APBB2: variants seen among roughly 807,000 people sequenced by gnomAD.
APBB2 encodes Fe65-like 1.
In APBB2, 38 loss-of-function variants were observed where a neutral mutation model predicts 82.5. The ratio of observed to expected loss-of-function variants is 0.46; its 90% CI spans 0.36 to 0.60. The LOEUF (loss-of-function observed/expected upper bound fraction) is 0.60, where lower values mean the gene tolerates loss of function less well. Ranked by LOEUF, APBB2 falls within the 20% of genes least tolerant of loss-of-function variation. APBB2 has a pLI of 0.00. For missense variants in APBB2, 772 were observed against 972.3 expected (o/e 0.79, Z 2.74); for synonymous variants, 341 against 368.2 (o/e 0.93, Z 0.85).
At chr4:40,865,919 C>A (rs1284197075) in intron 12 of APBB2, among the ~76,000 whole-genome samples, 1 of 152,302 alleles carries the variant, frequency 6.6e-6, no homozygotes, top group South Asian at 2.1e-4. Flanking sequence ...TAACCACCAC[C>A]ACCCTCAAAC....
intron 3 of APBB2, among the ~76,000 whole-genome samples, chr4:41,070,687 AGTTT>A (rs1733539645): frequency 1.3e-5 from 2 of 152,188 alleles, no homozygotes; most frequent in Non-Finnish European, 2.9e-5. Flanking sequence ...GGTGAGGAAT[AGTTT>A]TTTTTATTAG....
At chr4:40,946,252 A>C (rs397879059) in intron 6 of APBB2, among the ~76,000 whole-genome samples, 3 of 144,068 alleles carry the variant, frequency 2.1e-5, no homozygotes, top group South Asian at 2.3e-4. Context: ...AAAAAAAAAA[A>C]AACATTCCCA....
intron 10 of APBB2, among the ~76,000 whole-genome samples, chr4:40,910,030 G>A (rs547959021): frequency 1.6e-4 from 24 of 152,022 alleles, no homozygotes; most frequent in South Asian, 1.0e-3. Context: ...GAGGTTCACC[G>A]CAACCTCTGT....
rs34024437 is a variant in APBB2, at chr4:40,832,049, C to CACACACAT, written c.1530-1473_1530-1472insATGTGTGT. On this transcript the variant is annotated intron_variant, in intron 12 of 17. Transcript: ENST00000508593. The surrounding 1 kb of genome is among the most constrained non-coding windows in gnomAD (Gnocchi z 4.8). Reference sequence around the variant, plus strand: ...ACACACACACACACACACACACACACACATATACACCAAGCTTTACCCATC... The same window carrying CACACACAT: ...ACACACACACACACACACACACACACACACACATACATATACACCAAGCTTTACCCATC... 2.0e-3 allele frequency among the ~76,000 whole-genome samples: 297 copies of CACACACAT among 151,626 alleles called. 1 individual carries two copies. Among genetic ancestry groups the CACACACAT allele is most frequent in the African/African-American group, 6.8e-3 (281 of 41,338 alleles).
intron 12 of APBB2, among the ~76,000 whole-genome samples, chr4:40,873,377 T>C (rs886079155): frequency 6.6e-6 from 1 of 152,236 alleles, no homozygotes; most frequent in Non-Finnish European, 1.5e-5. Flanking sequence ...ACTTAGTGAA[T>C]TTAATTAATA....
intron 3 of APBB2, among the ~76,000 whole-genome samples, chr4:41,087,997 T>G (rs41334345): frequency 0.23 from 35,526 of 152,206 alleles, 4,583 homozygotes; most frequent in Non-Finnish European, 0.29. Flanking sequence ...AACCGTCACC[T>G]TCAGATACAG....
chr4:41,134,691 T>C (rs762713964), intron 2 of APBB2, among the ~76,000 whole-genome samples: 1 of 152,130 alleles, frequency 6.6e-6, no homozygotes, highest in African/African-American at 2.4e-5. Flanking sequence ...CAAAGAACTG[T>C]TGTGAGGATC....
intron 1 of APBB2, among the ~76,000 whole-genome samples, chr4:41,202,915 A>C (rs996550918): frequency 1.3e-5 from 2 of 152,234 alleles, no homozygotes; most frequent in Admixed American, 1.3e-4. Flanking sequence ...AAATCATTTA[A>C]ATGTTAAGCA....
rs571175913 is a variant in APBB2 at position 40,889,716 on chromosome 4, G to A, written c.1529+648C>T. Among the ~76,000 whole-genome samples the A allele has an allele frequency of 1.9e-4, 29 of 152,274 alleles. No homozygotes were observed. In the East Asian group the frequency reaches 3.5e-3, roughly 18 times the overall value. On this transcript the variant is annotated intron_variant, in intron 12 of 17. Transcript: ENST00000508593. ...AATACACACTTGAAAATCGGAACTC[G>A]TTTCCAATCATCCTGGAGAACATAA...
At chr4:41,037,748 G>A (rs1379207530) in intron 4 of APBB2, among the ~76,000 whole-genome samples, 1 of 152,118 alleles carries the variant, frequency 6.6e-6, no homozygotes. Context: ...GGCTGGGTGC[G>A]ATGGCTCATA....
At chr4:40,922,032 G>C (rs1781387948) in intron 10 of APBB2, among the ~76,000 whole-genome samples, 1 of 152,208 alleles carries the variant, frequency 6.6e-6, no homozygotes. Flanking sequence ...TCTGGCTAGA[G>C]ATCTGGGGTA....
At chr4:41,079,605 G>A (rs899430962) in intron 3 of APBB2, among the ~76,000 whole-genome samples, 2 of 150,098 alleles carry the variant, frequency 1.3e-5, no homozygotes, top group Non-Finnish European at 2.9e-5. Context: ...CTGGAGTGCA[G>A]TGGCACAATC....
chr4:41,123,860 C>T (rs894507182), intron 2 of APBB2, among the ~76,000 whole-genome samples: 1 of 151,740 alleles, frequency 6.6e-6, no homozygotes, highest in Non-Finnish European at 1.5e-5. Context: ...CAAAAAAAAA[C>T]CACAAGTAAA....
intron 6 of APBB2, among the ~76,000 whole-genome samples, chr4:40,977,509 CGCCA>C (rs1797479216): frequency 6.6e-6 from 1 of 152,106 alleles, no homozygotes; most frequent in Non-Finnish European, 1.5e-5. Context: ...GACAGAGTTT[CGCCA>C]TGTTGGCCAA....
intron 8 of APBB2, 128 bp from the exon 9 acceptor site, chr4:40,934,827 G>T: frequency 1.3e-6 from 1 of 742,742 alleles, no homozygotes; most frequent in Non-Finnish European, 2.3e-6. Flanking sequence ...GCAGAGAAAG[G>T]CATGCAAGGA....
intron 6 of APBB2, among the ~76,000 whole-genome samples, chr4:41,008,005 C>A (rs1807263670): frequency 6.6e-6 from 1 of 152,182 alleles, no homozygotes; most frequent in Non-Finnish European, 1.5e-5. Flanking sequence ...AGAAAGGTTT[C>A]ATAGTGGAAG....
At chr4:40,982,177 C>T in intron 6 of APBB2, among the ~76,000 whole-genome samples, 1 of 128,900 alleles carries the variant, frequency 7.8e-6, no homozygotes, top group Non-Finnish European at 1.6e-5. Flanking sequence ...AAGAGTGAAA[C>T]TCTGTCTCAA....
intron 3 of APBB2, among the ~76,000 whole-genome samples, chr4:41,080,483 G>C (rs1737188782): frequency 6.6e-6 from 1 of 152,294 alleles, no homozygotes; most frequent in African/African-American, 2.4e-5. Flanking sequence ...TGACAAAGAA[G>C]TAACCTTTTG....
intron 2 of APBB2, among the ~76,000 whole-genome samples, chr4:41,116,856 C>G (rs1283152228): frequency 1.3e-5 from 2 of 152,118 alleles, no homozygotes; most frequent in Non-Finnish European, 2.9e-5. Flanking sequence ...TTCTCTCTCT[C>G]GTCGTGTTGT....
Sources: gnomAD v4.1 joint callset for allele counts (sites outside exome capture counted in the v4.1 genomes callset) on GRCh38, gnomAD v4.1.1 for gene constraint, Gnocchi (gnomAD v3.1) non-coding constraint, MANE v1.5 for transcripts, NCBI Gene and HGNC (gene_info 2026-07-23, HGNC 2026-07-21) for gene names.